TRPM3: variants seen among roughly 807,000 people sequenced by gnomAD.
TRPM3 encodes the protein long transient receptor potential channel 3.
Under a neutral mutation model 181.2 loss-of-function variants are expected in TRPM3, and 77 were observed. That is an observed-to-expected ratio of 0.42 (90% CI 0.35 to 0.51). The LOEUF is 0.51. TRPM3 is among the 20% of genes least tolerant of loss of function. TRPM3 has a pLI of 0.01. For synonymous variants in TRPM3, 745 were observed against 796.4 expected, an observed-to-expected ratio of 0.94 and a Z score of 1.09; for missense variants, 1,759 against 2,196.7, an observed-to-expected ratio of 0.80 and a Z score of 3.98.
At chr9:70,776,390 C>T in intron 7 of TRPM3, 1 of 698,788 alleles carries the variant, frequency 1.4e-6, no homozygotes, top group South Asian at 1.6e-5. Context: ...GCTGAGAGGA[C>T]CGTCATTCGC....
At chr9:71,327,911 A>T (rs1446273617) in intron 1 of TRPM3, among the ~76,000 whole-genome samples, 2 of 152,120 alleles carry the variant, frequency 1.3e-5, no homozygotes, top group East Asian at 3.9e-4. Flanking sequence ...GGCATTAAGG[A>T]GCACAAGAAT....
At chr9:70,986,198 A>T (rs957306214) in intron 1 of TRPM3, among the ~76,000 whole-genome samples, 2 of 152,072 alleles carry the variant, frequency 1.3e-5, no homozygotes, top group African/African-American at 4.8e-5. Context: ...ACCAAAAAAA[A>T]TTAAAATTAA....
At chr9:71,338,471 C>T (rs2090727395) in intron 1 of TRPM3, among the ~76,000 whole-genome samples, 1 of 151,948 alleles carries the variant, frequency 6.6e-6, no homozygotes, top group African/African-American at 2.4e-5. Flanking sequence ...AGAAACAGAC[C>T]CGGTTCCAAG....
intron 1 of TRPM3, among the ~76,000 whole-genome samples, chr9:71,209,194 T>C (rs984398848): frequency 3.9e-5 from 6 of 152,088 alleles, no homozygotes; most frequent in Admixed American, 3.9e-4. Flanking sequence ...TTCACTTCTA[T>C]ATGAGGAAAT....
At chr9:71,290,839 A>G (rs1402361002) in intron 1 of TRPM3, among the ~76,000 whole-genome samples, 1 of 152,126 alleles carries the variant, frequency 6.6e-6, no homozygotes, top group Non-Finnish European at 1.5e-5. Flanking sequence ...AGGACCTAAA[A>G]GAATGACATA....
At chr9:71,319,513 T>C (rs2088991308) in intron 1 of TRPM3, among the ~76,000 whole-genome samples, 3 of 152,128 alleles carry the variant, frequency 2.0e-5, no homozygotes, top group Admixed American at 2.0e-4. Flanking sequence ...TGGGCCCTAA[T>C]GGCTTGGATG....
chr9:71,090,825 T>C (rs2066076291), intron 1 of TRPM3, among the ~76,000 whole-genome samples: 1 of 152,152 alleles, frequency 6.6e-6, no homozygotes, highest in South Asian at 2.1e-4. Flanking sequence ...CAAGATTAAA[T>C]GAATATTTAA....
intron 1 of TRPM3, among the ~76,000 whole-genome samples, chr9:70,988,905 A>G (rs1009794783): frequency 4.6e-5 from 7 of 152,160 alleles, no homozygotes. Context: ...TTTCCTTTCC[A>G]CACTACTTGG....
intron 1 of TRPM3, among the ~76,000 whole-genome samples, chr9:71,076,386 T>C (rs2063466866): frequency 1.3e-5 from 2 of 152,166 alleles, no homozygotes; most frequent in Non-Finnish European, 2.9e-5. Flanking sequence ...CTGCCATCCC[T>C]AGGAAGAGAA....
intron 1 of TRPM3, among the ~76,000 whole-genome samples, chr9:71,237,561 G>C (rs1318086813): frequency 6.6e-6 from 1 of 152,036 alleles, no homozygotes; most frequent in Non-Finnish European, 1.5e-5. Flanking sequence ...ACTGCTGACA[G>C]GATTTAATTT....
intron 1 of TRPM3, among the ~76,000 whole-genome samples, chr9:71,305,201 G>C (rs1238925737): frequency 1.3e-5 from 2 of 152,102 alleles, no homozygotes; most frequent in Non-Finnish European, 2.9e-5. Context: ...GAAAATGAAT[G>C]GACAGAAATG....
chr9:71,217,040 TC>T (rs2079926734), intron 1 of TRPM3, among the ~76,000 whole-genome samples: 1 of 130,530 alleles, frequency 7.7e-6, no homozygotes, highest in Non-Finnish European at 1.6e-5. Context: ...AAGCTCCGCC[TC>T]CCGGGTTCAC....
intron 1 of TRPM3, among the ~76,000 whole-genome samples, chr9:71,399,526 GTT>G (rs1166936123): frequency 0.023 from 1,456 of 62,592 alleles, 6 homozygotes; most frequent in East Asian, 0.15. Context: ...ATTTTCTTTT[GTT>G]TTTTTTTTTT....
chr9:71,203,318 T>C (rs1396373563), intron 1 of TRPM3, among the ~76,000 whole-genome samples: 1 of 152,208 alleles, frequency 6.6e-6, no homozygotes, highest in Non-Finnish European at 1.5e-5. Flanking sequence ...CACAGGACCA[T>C]TGTGCCTGGC....
At chr9:70,906,311 C>T (rs1367774147) in intron 1 of TRPM3, among the ~76,000 whole-genome samples, 2 of 151,992 alleles carry the variant, frequency 1.3e-5, no homozygotes, top group Admixed American at 1.3e-4. Flanking sequence ...AAGAAAATCT[C>T]GAAATGGAAA....
At chr9:71,352,619 C>T (rs919577207) in intron 1 of TRPM3, among the ~76,000 whole-genome samples, 4 of 152,188 alleles carry the variant, frequency 2.6e-5, no homozygotes, top group African/African-American at 9.7e-5. Context: ...ATTATTCATC[C>T]TATAATGCAG....
At chr9:71,286,816 C>T (rs922402533) in intron 1 of TRPM3, among the ~76,000 whole-genome samples, 1 of 151,226 alleles carries the variant, frequency 6.6e-6, no homozygotes, top group African/African-American at 2.4e-5. Flanking sequence ...TTCAAAATGC[C>T]AACCCCTTCC....
chr9:71,009,147 G>A (rs1425128900), intron 1 of TRPM3, among the ~76,000 whole-genome samples: 1 of 152,156 alleles, frequency 6.6e-6, no homozygotes, highest in Admixed American at 6.5e-5. Flanking sequence ...TCTTCTCTAT[G>A]ATCTGGAACA....
chr9:71,432,186 T>C (rs1172705220), intron 1 of TRPM3, among the ~76,000 whole-genome samples: 3 of 152,174 alleles, frequency 2.0e-5, no homozygotes, highest in African/African-American at 7.2e-5. Flanking sequence ...AGGACCATGA[T>C]GTTATCATAC....
Sources: allele counts gnomAD v4.1 joint callset (sites outside exome capture counted in the v4.1 genomes callset), GRCh38; gene constraint gnomAD v4.1.1; transcripts MANE v1.5; gene names NCBI Gene and HGNC (gene_info 2026-07-23, HGNC 2026-07-21).